The following ATF6 variants were observed in gnomAD, a reference collection of about 807,000 sequenced individuals.
The protein encoded by ATF6 is cyclic AMP-dependent transcription factor ATF-6 alpha.
A neutral mutation model predicts 83.6 loss-of-function variants in ATF6; 53 were observed. The observed-to-expected ratio is 0.63, with a 90% CI of 0.51 to 0.80. The LOEUF (loss-of-function observed/expected upper bound fraction) is 0.80. ATF6 is among the 30% of genes least tolerant of loss of function. The probability of loss-of-function intolerance (pLI) is 0.00; values close to 1 mark genes in which losing one functional copy is unlikely to be tolerated. For synonymous variants in ATF6, 288 were observed against 285.8 expected, an observed-to-expected ratio of 1.01 and a Z score of -0.08; for missense variants, 744 against 797.9, an observed-to-expected ratio of 0.93 and a Z score of 0.81.
intron 15 of ATF6, among the ~76,000 whole-genome samples, chr1:161,921,385 A>G (rs143665643): frequency 6.6e-6 from 1 of 152,336 alleles, no homozygotes; most frequent in African/African-American, 2.4e-5. Context: ...TAAGAATTGT[A>G]TATAGAAAAA....
chr1:161,832,842 A>G (rs1269928691), intron 9 of ATF6, among the ~76,000 whole-genome samples: 1 of 152,220 alleles, frequency 6.6e-6, no homozygotes, highest in Admixed American at 6.5e-5. Context: ...GGGCACAGAC[A>G]AACAAAAGAC....
chr1:161,931,908 C>T lies in ATF6; in HGVS notation c.1804+19528C>T, dbSNP rs113432648. ...AAATTTTGGTTTTCTGAACATTTTG[C>T]TAAATTTTCTAAAGGTCTCCAGTTG... On this transcript the variant is annotated intron_variant, in intron 15 of 15. Transcript: ENST00000367942. 7.4e-3 allele frequency among the ~76,000 whole-genome samples: 1,122 copies of T among 152,172 alleles called. 20 individuals carry two copies. The highest frequency in any genetic ancestry group is 0.026 in the African/African-American group (1,092 of 41,504).
At chr1:161,953,651 G>A (rs1283521288) in intron 15 of ATF6, among the ~76,000 whole-genome samples, 5 of 152,084 alleles carry the variant, frequency 3.3e-5, no homozygotes, top group Non-Finnish European at 5.9e-5. Context: ...AAAGGAATAC[G>A]TGGTGGTGGC....
At chr1:161,936,588 G>T (rs1688540605) in intron 15 of ATF6, among the ~76,000 whole-genome samples, 1 of 152,086 alleles carries the variant, frequency 6.6e-6, no homozygotes, top group Non-Finnish European at 1.5e-5. Flanking sequence ...ATTTCATCTT[G>T]TTGGAGTTTG....
intron 13 of ATF6, among the ~76,000 whole-genome samples, chr1:161,861,332 A>G (rs1686882199): frequency 1.3e-5 from 2 of 152,200 alleles, no homozygotes; most frequent in African/African-American, 4.8e-5. Context: ...AATGAAGTCA[A>G]AAGCTATTTT....
chr1:161,887,076 T>G (rs961794178), intron 14 of ATF6, among the ~76,000 whole-genome samples: 2 of 152,030 alleles, frequency 1.3e-5, no homozygotes, highest in Non-Finnish European at 2.9e-5. Context: ...GAAGCTTTTT[T>G]TTTTTCTTTT....
At chr1:161,854,869 AAG>A (rs1686723614) in intron 12 of ATF6, among the ~76,000 whole-genome samples, 1 of 152,084 alleles carries the variant, frequency 6.6e-6, no homozygotes, top group Non-Finnish European at 1.5e-5. Context: ...CCGTCTAAAA[AAG>A]AAAAAAAAAA....
chr1:161,939,604 C>A (rs1001709389), intron 15 of ATF6, among the ~76,000 whole-genome samples: 1 of 152,250 alleles, frequency 6.6e-6, no homozygotes, highest in Non-Finnish European at 1.5e-5. Flanking sequence ...GAGACCCACG[C>A]TCTTTCTTTC....
At chr1:161,944,717 A>G (rs956018844) in intron 15 of ATF6, among the ~76,000 whole-genome samples, 1 of 152,194 alleles carries the variant, frequency 6.6e-6, no homozygotes, top group Admixed American at 6.5e-5. Flanking sequence ...CTGCCTCCTC[A>G]GAGTTATCCA....
intron 1 of ATF6, among the ~76,000 whole-genome samples, chr1:161,767,984 T>G (rs946655116): frequency 6.6e-6 from 1 of 152,106 alleles, no homozygotes; most frequent in Non-Finnish European, 1.5e-5. Flanking sequence ...GCCTCCCGAG[T>G]AGCTGGGATT....
intron 14 of ATF6, among the ~76,000 whole-genome samples, chr1:161,873,263 A>G (rs1260116240): frequency 6.6e-6 from 1 of 151,642 alleles, no homozygotes; most frequent in Non-Finnish European, 1.5e-5. Context: ...GTTAAAGTTT[A>G]TAGAACTATT....
chr1:161,950,103 G>A (rs947063820), intron 15 of ATF6, among the ~76,000 whole-genome samples: 1 of 152,270 alleles, frequency 6.6e-6, no homozygotes, highest in South Asian at 2.1e-4. Context: ...CTGAATATTC[G>A]TGGTGTTGTG....
chr1:161,829,281 G>T (rs890677620), intron 9 of ATF6, among the ~76,000 whole-genome samples: 1 of 141,306 alleles, frequency 7.1e-6, no homozygotes, highest in African/African-American at 2.6e-5. Flanking sequence ...CTCACTGCAA[G>T]CTCCGCCTCC....
intron 6 of ATF6, 51 bp from the exon 7 acceptor site, chr1:161,802,001 C>G (rs1396550173): frequency 6.3e-7 from 1 of 1,579,808 alleles, no homozygotes; most frequent in Admixed American, 1.7e-5. Context: ...GCTGCTTCCC[C>G]TGCCACAGTA....
At chr1:161,941,635 G>A (rs1571252477) in intron 15 of ATF6, among the ~76,000 whole-genome samples, 10 of 152,298 alleles carry the variant, frequency 6.6e-5, no homozygotes, top group Admixed American at 6.5e-4. Context: ...GATTCTAGTT[G>A]TTTTTAGTCA....
chr1:161,788,191 C>G (rs1430398204), intron 4 of ATF6, among the ~76,000 whole-genome samples: 2 of 152,206 alleles, frequency 1.3e-5, no homozygotes, highest in African/African-American at 4.8e-5. Context: ...GCCTGAGGAT[C>G]CCTGTGACTT....
chr1:161,889,724 T>A (rs891360841), intron 14 of ATF6, among the ~76,000 whole-genome samples: 2 of 152,216 alleles, frequency 1.3e-5, no homozygotes, highest in Admixed American at 1.3e-4. Flanking sequence ...ATCTTTTTGA[T>A]TCAAATGTCA....
chr1:161,932,963 C>G (rs1294359582), intron 15 of ATF6, among the ~76,000 whole-genome samples: 3 of 152,202 alleles, frequency 2.0e-5, no homozygotes, highest in African/African-American at 7.2e-5. Context: ...GACATGGCCT[C>G]TGGCTCTGTC....
chr1:161,864,192 C>G (rs979000891), intron 14 of ATF6, among the ~76,000 whole-genome samples: 9 of 151,598 alleles, frequency 5.9e-5, no homozygotes, highest in Middle Eastern at 3.4e-3. Context: ...TAAGAATACA[C>G]TGGGTATGGT....
Sources: allele counts gnomAD v4.1 joint callset (sites outside exome capture counted in the v4.1 genomes callset), GRCh38; gene constraint gnomAD v4.1.1; transcripts MANE v1.5; gene names NCBI Gene and HGNC (gene_info 2026-07-23, HGNC 2026-07-21).